The following EDN1 variants were observed in gnomAD, a reference collection of about 807,000 sequenced individuals.
EDN1 encodes the protein endothelin-1.
Under a neutral mutation model 21.7 loss-of-function variants are expected in EDN1, and 11 were observed. The observed-to-expected ratio is 0.51, with a 90% confidence interval of 0.32 to 0.84. EDN1 has a LOEUF of 0.84. EDN1 is among the 40% of genes least tolerant of loss of function. EDN1 has a pLI of 0.03. For missense variants in EDN1, 244 were observed against 262.3 expected, an observed-to-expected ratio of 0.93 and a Z score of 0.48; for synonymous variants, 85 against 90.6, an observed-to-expected ratio of 0.94 and a Z score of 0.35.
the EDN1 span, among the ~76,000 whole-genome samples, chr6:12,274,736 G>C: frequency 2.6e-5 from 4 of 152,274 alleles, no homozygotes; most frequent in East Asian, 7.7e-4. Flanking sequence ...CGTCCCATTG[G>C]TCCAATGTGG....
At chr6:12,291,515 G>A (rs1425283072) in intron 1 of EDN1, among the ~76,000 whole-genome samples, 1 of 152,200 alleles carries the variant, frequency 6.6e-6, no homozygotes, top group African/African-American at 2.4e-5. Flanking sequence ...TCAAGGGAAT[G>A]AAAATCCTGG....
chr6:12,275,052 G>A, the EDN1 span, among the ~76,000 whole-genome samples: 10 of 124,424 alleles, frequency 8.0e-5, no homozygotes, highest in African/African-American at 2.7e-4. Flanking sequence ...ATATGAACTA[G>A]ATAGGTTACT....
At chr6:12,291,819 AT>A (rs1762689215) in intron 1 of EDN1, among the ~76,000 whole-genome samples, 2 of 152,234 alleles carry the variant, frequency 1.3e-5, no homozygotes, top group South Asian at 4.1e-4. Flanking sequence ...AAAGATATAC[AT>A]CATCTGGGGT....
chr6:12,242,624 C>G, the EDN1 span, among the ~76,000 whole-genome samples: 1 of 152,178 alleles, frequency 6.6e-6, no homozygotes, highest in Non-Finnish European at 1.5e-5. Flanking sequence ...TAGTGAGGTG[C>G]TAGTTACACA....
chr6:12,292,595 A>T, intron 2 of EDN1, 86 bp downstream of exon 2: 1 of 1,504,906 alleles, frequency 6.6e-7, no homozygotes, highest in South Asian at 1.1e-5. Flanking sequence ...TTTTCTAGGG[A>T]CTCTGAAGGT....
chr6:12,238,364 C>A, the EDN1 span, among the ~76,000 whole-genome samples: 1 of 152,062 alleles, frequency 6.6e-6, no homozygotes. Flanking sequence ...TTTCTCAAGT[C>A]CTGCGTCATG....
the EDN1 span, among the ~76,000 whole-genome samples, chr6:12,266,473 G>T: frequency 6.6e-6 from 1 of 152,164 alleles, no homozygotes; most frequent in South Asian, 2.1e-4. Flanking sequence ...CTGATCTAAT[G>T]GGGATCCAGG....
chr6:12,256,394 C>T, the EDN1 span, among the ~76,000 whole-genome samples: 2 of 151,964 alleles, frequency 1.3e-5, no homozygotes, highest in Non-Finnish European at 2.9e-5. Flanking sequence ...CCCCCGCCCC[C>T]TAAAACCCAA....
At chr6:12,288,727 G>C (rs558339442), upstream of EDN1, among the ~76,000 whole-genome samples, 1 of 152,290 alleles carries the variant, frequency 6.6e-6, no homozygotes, top group East Asian at 1.9e-4. Context: ...CTGGGGATCT[G>C]AGTCTGTCCA....
the EDN1 span, among the ~76,000 whole-genome samples, chr6:12,247,536 C>CTTTTTTTTTTTTTTTT: frequency 1.0e-5 from 1 of 97,752 alleles, no homozygotes; most frequent in African/African-American, 4.2e-5. Context: ...TTCTTTCTTT[C>CTTTTTTTTTTTTTTTT]TTTTTTTTTT....
At chr6:12,277,350 T>C in the EDN1 span, among the ~76,000 whole-genome samples, 2 of 152,338 alleles carry the variant, frequency 1.3e-5, no homozygotes, top group South Asian at 2.1e-4. Context: ...TGAACATTTA[T>C]TGAGCACCAA....
chr6:12,279,312 A>T, the EDN1 span, among the ~76,000 whole-genome samples: 3 of 152,166 alleles, frequency 2.0e-5, no homozygotes, highest in South Asian at 4.1e-4. Flanking sequence ...TATGTCCCTG[A>T]CACAAGGACC....
chr6:12,271,687 A>G, the EDN1 span, among the ~76,000 whole-genome samples: 2 of 152,228 alleles, frequency 1.3e-5, no homozygotes, highest in African/African-American at 2.4e-5. Flanking sequence ...CATATGTTTT[A>G]TGATAGTAAT....
chr6:12,255,116 T>G, the EDN1 span, among the ~76,000 whole-genome samples: 1 of 152,222 alleles, frequency 6.6e-6, no homozygotes, highest in African/African-American at 2.4e-5. Flanking sequence ...TTTATGAAGA[T>G]GAAATGATTC....
At chr6:12,287,063 G>A (rs557214815), upstream of EDN1, among the ~76,000 whole-genome samples, 2 of 151,736 alleles carry the variant, frequency 1.3e-5, no homozygotes, top group African/African-American at 4.8e-5. Flanking sequence ...GCTGCAGTGA[G>A]CTATAACTGC....
chr6:12,276,692 C>T, the EDN1 span, among the ~76,000 whole-genome samples: 1 of 152,180 alleles, frequency 6.6e-6, no homozygotes, highest in Non-Finnish European at 1.5e-5. Flanking sequence ...AAACGCCAGT[C>T]CAGAAGCATA....
chr6:12,284,744 G>GA, the EDN1 span, among the ~76,000 whole-genome samples: 4,632 of 67,936 alleles, frequency 0.068, 110 homozygotes, highest in Non-Finnish European at 0.073. Flanking sequence ...AGGAAGGAAG[G>GA]AAGGAAGAAA....
chr6:12,289,309 AC>A (rs527716815), upstream of EDN1, among the ~76,000 whole-genome samples: 9 of 151,356 alleles, frequency 5.9e-5, no homozygotes, highest in African/African-American at 1.2e-4. Flanking sequence ...AAATGAAGAC[AC>A]CCCCCCAAAA....
the EDN1 span, among the ~76,000 whole-genome samples, chr6:12,256,732 A>G: frequency 1.3e-5 from 2 of 152,262 alleles, no homozygotes; most frequent in Non-Finnish European, 2.9e-5. Context: ...AAAAACATTA[A>G]TAACAATATA....
Sources: allele counts gnomAD v4.1 joint callset (sites outside exome capture counted in the v4.1 genomes callset), GRCh38; gene constraint gnomAD v4.1.1; transcripts MANE v1.5; gene names NCBI Gene and HGNC (gene_info 2026-07-23, HGNC 2026-07-21).